The following PPP1R9A variants were observed in gnomAD, a reference collection of about 807,000 sequenced individuals.
PPP1R9A encodes neurabin-1.
PPP1R9A carries 59 observed loss-of-function variants against 141.9 expected under a neutral mutation model. That is an observed-to-expected ratio of 0.42 (90% confidence interval 0.34 to 0.52). The LOEUF is 0.52. Ranked by LOEUF, PPP1R9A falls within the 20% of genes least tolerant of loss-of-function variation. The pLI, the probability that PPP1R9A is intolerant of heterozygous loss-of-function variation, is 0.10. For missense variants in PPP1R9A, 1,444 were observed against 1,611.9 expected, an observed-to-expected ratio of 0.90 and a Z score of 1.78; for synonymous variants, 500 against 569.7, an observed-to-expected ratio of 0.88 and a Z score of 1.74.
intron 2 of PPP1R9A, among the ~76,000 whole-genome samples, chr7:95,085,713 C>A (rs1041635488): frequency 1.3e-5 from 2 of 151,888 alleles, no homozygotes; most frequent in African/African-American, 4.8e-5. Flanking sequence ...CTGCACCCAG[C>A]CCAAAAATAC....
chr7:95,111,002 A>G (rs1820455204), intron 2 of PPP1R9A, among the ~76,000 whole-genome samples: 1 of 152,212 alleles, frequency 6.6e-6, no homozygotes, highest in African/African-American at 2.4e-5. Context: ...AAATATTGCT[A>G]TTCACATAAT....
intron 4 of PPP1R9A, among the ~76,000 whole-genome samples, chr7:95,127,784 A>G (rs1368725306): frequency 1.3e-5 from 2 of 152,054 alleles, no homozygotes; most frequent in African/African-American, 4.8e-5. Context: ...GTTTTCTGTT[A>G]CTGCATTAGT....
At chr7:95,175,523 A>G (rs573206134) in intron 5 of PPP1R9A, among the ~76,000 whole-genome samples, 1 of 151,878 alleles carries the variant, frequency 6.6e-6, no homozygotes, top group African/African-American at 2.4e-5. Context: ...CTTAAAAGAC[A>G]TGGTAATAAT....
intron 2 of PPP1R9A, among the ~76,000 whole-genome samples, chr7:94,972,313 T>C (rs1798939475): frequency 6.6e-6 from 1 of 152,200 alleles, no homozygotes; most frequent in African/African-American, 2.4e-5. Flanking sequence ...CTTTCATGAT[T>C]TATTACATTA....
intron 8 of PPP1R9A, among the ~76,000 whole-genome samples, chr7:95,243,856 T>C (rs1258525310): frequency 6.6e-6 from 1 of 152,058 alleles, no homozygotes; most frequent in African/African-American, 2.4e-5. Context: ...ATGTAAGAAA[T>C]TTAGTATTAG....
intron 5 of PPP1R9A, among the ~76,000 whole-genome samples, chr7:95,196,258 A>G (rs146812392): frequency 6.6e-6 from 1 of 152,188 alleles, no homozygotes. Context: ...GGCAATGGAA[A>G]TTAAAAACAT....
intron 4 of PPP1R9A, among the ~76,000 whole-genome samples, chr7:95,126,769 G>A (rs1823625794): frequency 6.6e-6 from 1 of 152,100 alleles, no homozygotes; most frequent in Non-Finnish European, 1.5e-5. Flanking sequence ...CAGTGTTACT[G>A]TTCTGTGAGG....
At chr7:95,271,761 C>T (rs1802215276) in intron 14 of PPP1R9A, among the ~76,000 whole-genome samples, 1 of 152,012 alleles carries the variant, frequency 6.6e-6, no homozygotes, top group Non-Finnish European at 1.5e-5. Flanking sequence ...TCTGGGGGCT[C>T]AGATGTATAA....
intron 2 of PPP1R9A, among the ~76,000 whole-genome samples, chr7:95,031,946 C>A (rs566859715): frequency 6.6e-6 from 1 of 152,154 alleles, no homozygotes; most frequent in Non-Finnish European, 1.5e-5. Context: ...GGCAAAACCT[C>A]GGATTTCTGT....
intron 2 of PPP1R9A, among the ~76,000 whole-genome samples, chr7:95,070,593 G>GTGTATATA (rs376992260): frequency 4.5e-5 from 5 of 111,946 alleles, no homozygotes; most frequent in African/African-American, 1.8e-4. Flanking sequence ...TAAATCTCTG[G>GTGTATATA]TATATATATA....
At chr7:95,091,270 T>G (rs779684905) in intron 2 of PPP1R9A, among the ~76,000 whole-genome samples, 3 of 151,784 alleles carry the variant, frequency 2.0e-5, no homozygotes, top group Non-Finnish European at 4.4e-5. Flanking sequence ...CAGAAAGTTA[T>G]GCCTGTTAAA....
intron 2 of PPP1R9A, among the ~76,000 whole-genome samples, chr7:94,970,186 C>T (rs1228007535): frequency 6.6e-6 from 1 of 152,132 alleles, no homozygotes; most frequent in Non-Finnish European, 1.5e-5. Flanking sequence ...CCAGGTGCCA[C>T]TGGGGTATGA....
chr7:95,176,608 C>G (rs1166679675), intron 5 of PPP1R9A: 2 of 149,738 alleles, frequency 1.3e-5, no homozygotes, highest in Non-Finnish European at 3.0e-5. Flanking sequence ...GCAAGGAAAT[C>G]CAAAAAAAAA....
chr7:95,219,744 A>G (rs888287281), intron 7 of PPP1R9A, among the ~76,000 whole-genome samples: 2 of 152,102 alleles, frequency 1.3e-5, no homozygotes, highest in Admixed American at 1.3e-4. Flanking sequence ...AATCCTCTCA[A>G]TATCCTATGA....
chr7:95,270,526 T>G (rs1415584503), intron 14 of PPP1R9A, among the ~76,000 whole-genome samples: 1 of 152,126 alleles, frequency 6.6e-6, no homozygotes, highest in African/African-American at 2.4e-5. Context: ...ACTGGCTAAA[T>G]GATAAGCATC....
intron 7 of PPP1R9A, among the ~76,000 whole-genome samples, chr7:95,207,487 T>C (rs926536672): frequency 6.6e-6 from 1 of 151,970 alleles, no homozygotes; most frequent in Admixed American, 6.6e-5. Context: ...ATAAAAACAA[T>C]GCAAAAAGGT....
chr7:94,907,302 A>C (rs1249712496), upstream of PPP1R9A: 1 of 152,244 alleles, frequency 6.6e-6, no homozygotes, highest in Admixed American at 6.5e-5. Context: ...TCTCTTTGGC[A>C]GTGAGATCTT....
At chr7:95,066,913 A>G (rs1482275488) in intron 2 of PPP1R9A, among the ~76,000 whole-genome samples, 1 of 152,258 alleles carries the variant, frequency 6.6e-6, no homozygotes, top group Non-Finnish European at 1.5e-5. Context: ...AGAAATTCTT[A>G]TGCACCAGAG....
At chr7:94,925,480 T>C (rs927112888) in intron 2 of PPP1R9A, among the ~76,000 whole-genome samples, 27 of 152,188 alleles carry the variant, frequency 1.8e-4, no homozygotes, top group African/African-American at 6.5e-4. Flanking sequence ...TCCCCCCACA[T>C]GTCTTAGTGG....
Sources: gnomAD v4.1 joint callset for allele counts (sites outside exome capture counted in the v4.1 genomes callset) on GRCh38, gnomAD v4.1.1 for gene constraint, MANE v1.5 for transcripts, NCBI Gene and HGNC (gene_info 2026-07-23, HGNC 2026-07-21) for gene names.